The following GNB5 variants were observed in gnomAD, a reference collection of about 807,000 sequenced individuals.
GNB5 encodes the protein G protein subunit beta 5.
In GNB5, 37 loss-of-function variants were observed where a neutral mutation model predicts 55.3. That is an observed-to-expected ratio of 0.67 (90% CI 0.51 to 0.88). The LOEUF is 0.88. GNB5 is among the 40% of genes least tolerant of loss of function. The pLI, the probability that GNB5 is intolerant of heterozygous loss-of-function variation, is 0.00. For missense variants in GNB5, 476 were observed against 515.3 expected, an observed-to-expected ratio of 0.92 and a Z score of 0.74; for synonymous variants, 219 against 198.5, an observed-to-expected ratio of 1.10 and a Z score of -0.87.
chr15:52,184,755 A>T, intron 1 of GNB5, 61 bp from the exon 2 acceptor site: 1 of 1,413,326 alleles, frequency 7.1e-7, no homozygotes, highest in East Asian at 2.3e-5. Context: ...TAACTTTCTA[A>T]AATCTCTTCT....
At chr15:52,190,166 G>A (rs945398927) in intron 1 of GNB5, among the ~76,000 whole-genome samples, 10 of 149,244 alleles carry the variant, frequency 6.7e-5, no homozygotes, top group African/African-American at 2.5e-4. Context: ...CGCCCAGGTT[G>A]GAGTGCAGTG....
Position 52,117,853 on chromosome 15 carries a change from G to C in GNB5, c.*4904C>G, listed in dbSNP as rs549837955. 2 of 152,458 alleles carry C rather than the reference G, an allele frequency of 1.3e-5. No homozygotes were observed. Among genetic ancestry groups the C allele is most frequent in the African/African-American group, 4.8e-5 (2 of 41,594 alleles). 9.4% of individuals were successfully genotyped at this position (152,458 alleles called of 1,614,324 possible). A position where few individuals can be genotyped will look rare whatever the true frequency, so the allele number is the denominator to read the frequency against. On this transcript the variant is annotated 3_prime_UTR_variant, in exon 13 of 13. Transcript: ENST00000261837. Reference sequence around the variant, plus strand: ...CAGATCTCAGGGCAGGGCCCTGAAGGCGCAGTGCAGGAACCTGCCATGGGT... The same window carrying C: ...CAGATCTCAGGGCAGGGCCCTGAAGCCGCAGTGCAGGAACCTGCCATGGGT...
chr15:52,180,535 C>T (rs963159811), intron 2 of GNB5: 1 of 152,242 alleles, frequency 6.6e-6, no homozygotes, highest in African/African-American at 2.4e-5. Context: ...CTTATTTTCT[C>T]TTTTCTTCAC....
chr15:52,117,102 A>ATTTTTTTTTTTTTTTTTTTTTTTTTTT lies in GNB5; in HGVS notation c.*5654_*5655insAAAAAAAAAAAAAAAAAAAAAAAAAAA, dbSNP rs977627428. The ATTTTTTTTTTTTTTTTTTTTTTTTTTT allele has an allele frequency of 3.4e-5, 3 of 87,100 alleles. No homozygotes were observed. Among genetic ancestry groups the ATTTTTTTTTTTTTTTTTTTTTTTTTTT allele is most frequent in the Non-Finnish European group, 4.3e-5 (2 of 46,202 alleles). 5.4% of individuals were successfully genotyped at this position (87,100 alleles called of 1,614,324 possible). On this transcript the variant is annotated 3_prime_UTR_variant, in exon 13 of 13. Coordinates refer to ENST00000261837, the MANE Select transcript of GNB5 (RefSeq NM_016194.4). ...CCACGCCCAGCTAATATATATATAT[A>ATTTTTTTTTTTTTTTTTTTTTTTTTTT]TTTTTTTTTAGTACAGACAGGGTTT...
rs762021903 is a variant in GNB5, at chr15:52,122,778, C to A, written c.1177-10G>T. On this transcript the variant is annotated splice_polypyrimidine_tract_variant and intron_variant, in intron 12 of 12. Coordinates refer to ENST00000261837, the MANE Select transcript of GNB5 (RefSeq NM_016194.4). ...ATGATTAGGCCCAGACCTGTGAAGA[C>A]ACAAACAGATAGTTTTTAGACCTTT... 1.6e-5 allele frequency: 26 copies of A among 1,602,034 alleles called. No homozygotes were observed. In the African/African-American group the frequency reaches 2.8e-4, roughly 17 times the overall value.
In GNB5 at chr15:52,124,539, A is replaced by G. The variant is rs1436878826; in HGVS notation, c.1110T>C (p.Val370=). ...VSILFGHENR[V]STLRVSPDGT... The stretch of plus-strand genomic sequence containing the variant: ...CATCGGGGGAAACTCGTAGAGTGCT[A>G]ACGCGGTTTTCATGTCCAAACAGGA... The change falls in exon 12 of 13, where the codon GTT becomes GTC. Residue 370 remains valine (V), a synonymous_variant. Transcript: ENST00000261837. 3 of 1,613,706 alleles carry G rather than the reference A, an allele frequency of 1.9e-6. No homozygotes were observed. Among genetic ancestry groups the G allele is most frequent in the Non-Finnish European group, 2.5e-6 (3 of 1,179,554 alleles).
Position 52,184,531 on chromosome 15 carries a change from T to A in GNB5, c.126+20A>T. On this transcript the variant is annotated intron_variant, in intron 2 of 12. Coordinates refer to ENST00000261837, the MANE Select transcript of GNB5 (RefSeq NM_016194.4). ...ACTGTTTTAAGACAGATAACTGAAT[T>A]TTTTTTAAGTGGCACTTACAATTTC... is the stretch of plus-strand genomic sequence containing the variant. The A allele has an allele frequency of 1.9e-6, 3 of 1,610,572 alleles. No homozygotes were observed. The highest frequency in any genetic ancestry group is 2.5e-6 in the Non-Finnish European group (3 of 1,177,042).
chr15:52,186,428 G>A (rs1482011143), intron 1 of GNB5, among the ~76,000 whole-genome samples: 1 of 152,220 alleles, frequency 6.6e-6, no homozygotes, highest in Non-Finnish European at 1.5e-5. Context: ...ACAAAGCAAT[G>A]TAGTGGGATG....
intron 3 of GNB5, among the ~76,000 whole-genome samples, chr15:52,163,052 G>A (rs555061093): frequency 6.6e-6 from 1 of 152,274 alleles, no homozygotes; most frequent in South Asian, 2.1e-4. Context: ...GCAGGGTGGG[G>A]AGATGGCCCA....
intron 5 of GNB5, 126 bp downstream of exon 5, chr15:52,149,758 T>C (rs1225041537): frequency 1.3e-6 from 1 of 749,428 alleles, no homozygotes; most frequent in Non-Finnish European, 2.4e-6. Flanking sequence ...TTTCCATCCG[T>C]AGAGGCAACT....
At chr15:52,165,409 A>G (rs139390713) in intron 3 of GNB5, among the ~76,000 whole-genome samples, 1 of 152,216 alleles carries the variant, frequency 6.6e-6, no homozygotes, top group Non-Finnish European at 1.5e-5. Flanking sequence ...ACACATAATC[A>G]TCAGATTCTC....
chr15:52,133,723 C>T (rs145739929), intron 8 of GNB5, among the ~76,000 whole-genome samples: 1 of 152,326 alleles, frequency 6.6e-6, no homozygotes, highest in African/African-American at 2.4e-5. Context: ...TCTTCTTTTG[C>T]ACATTTCTGA....
rs938707726 is a variant in GNB5 at position 52,120,069 on chromosome 15, A to G, written c.*2688T>C. On this transcript the variant is annotated 3_prime_UTR_variant, in exon 13 of 13. Transcript: ENST00000261837. ...CTGGACTTGGCTTCATGTCACAGAT[A>G]TTTCCCATAAATACCCATCACCCAC... 1 of 152,040 alleles carries G rather than the reference A, an allele frequency of 6.6e-6. No homozygotes were observed. Among genetic ancestry groups the G allele is most frequent in the Non-Finnish European group, 1.5e-5 (1 of 68,052 alleles). 9.4% of individuals were successfully genotyped at this position (152,040 alleles called of 1,614,324 possible). A position where few individuals can be genotyped will look rare whatever the true frequency, so the allele number is the denominator to read the frequency against.
At chr15:52,130,644 G>T (rs2033551307) in intron 9 of GNB5, among the ~76,000 whole-genome samples, 1 of 152,182 alleles carries the variant, frequency 6.6e-6, no homozygotes. Context: ...CAGTGCAGGA[G>T]ATCGATGAGT....
chr15:52,131,122 A>C (rs2141188574), intron 9 of GNB5, among the ~76,000 whole-genome samples: 1 of 152,350 alleles, frequency 6.6e-6, no homozygotes, highest in South Asian at 2.1e-4. Flanking sequence ...CACGGTGCCC[A>C]GCTGAGTGTG....
rs537158633 is a variant in GNB5 at position 52,118,858 on chromosome 15, A to T, written c.*3899T>A. ...GCACTCCAGCCTGGGCAACAAGAGCAAAACTCCACGTAAAAAAAAAAAAAA... is the reference window on the plus strand; with the variant it reads ...GCACTCCAGCCTGGGCAACAAGAGCTAAACTCCACGTAAAAAAAAAAAAAA... On this transcript the variant is annotated 3_prime_UTR_variant, in exon 13 of 13. Transcript: ENST00000261837. 1 of 144,678 alleles carries T rather than the reference A, an allele frequency of 6.9e-6. No individual in the cohort carries two copies. Among genetic ancestry groups the T allele is most frequent in the East Asian group, 2.1e-4 (1 of 4,798 alleles). 9.0% of individuals were successfully genotyped at this position (144,678 alleles called of 1,614,324 possible).
At chr15:52,132,894 C>T (rs1239265383) in intron 9 of GNB5, among the ~76,000 whole-genome samples, 1 of 152,018 alleles carries the variant, frequency 6.6e-6, no homozygotes, top group Admixed American at 6.6e-5. Flanking sequence ...TTTCATGATC[C>T]TGGCCTCAAT....
chr15:52,155,429 C>G (rs894061961), intron 3 of GNB5, among the ~76,000 whole-genome samples: 3 of 152,200 alleles, frequency 2.0e-5, no homozygotes, highest in African/African-American at 7.2e-5. Context: ...ATCCTTCCCT[C>G]CCCAAAATGC....
chr15:52,167,741 T>C (rs2034478305), intron 3 of GNB5, among the ~76,000 whole-genome samples: 1 of 151,250 alleles, frequency 6.6e-6, no homozygotes, highest in Non-Finnish European at 1.5e-5. Context: ...GCAAAAATCA[T>C]CAATAAATGA....
Sources: allele counts gnomAD v4.1 joint callset (sites outside exome capture counted in the v4.1 genomes callset), GRCh38; gene constraint gnomAD v4.1.1; transcripts MANE v1.5; gene names NCBI Gene and HGNC (gene_info 2026-07-23, HGNC 2026-07-21).